Variants in IL1RAPL1 observed in about 807,000 individuals in gnomAD.
IL1RAPL1 encodes interleukin-1 receptor accessory protein-like 1.
IL1RAPL1 carries 3 observed loss-of-function variants against 48.4 expected under a neutral mutation model. The observed-to-expected ratio is 0.06, with a 90% CI of 0.03 to 0.16. The LOEUF (loss-of-function observed/expected upper bound fraction) is 0.16. IL1RAPL1 is among the 10% of genes least tolerant of loss of function. The pLI is 1.00. For synonymous variants in IL1RAPL1, 185 were observed against 187.7 expected (o/e 0.99, Z 0.12); for missense variants, 349 against 530.6 (o/e 0.66, Z 3.36).
At chrX:29,812,303 CTT>C (rs1453565178) in intron 6 of IL1RAPL1, among the ~76,000 whole-genome samples, 1 of 111,624 alleles carries the variant, frequency 9.0e-6, no homozygotes, top group African/African-American at 3.2e-5. Context: ...TTTTTATTTC[CTT>C]TTTTATGCTT....
chrX:29,191,898 T>C (rs1375072429), intron 2 of IL1RAPL1, among the ~76,000 whole-genome samples: 6 of 111,817 alleles, frequency 5.4e-5, no homozygotes, highest in South Asian at 3.8e-4. Flanking sequence ...GGTCAGGGTC[T>C]AAGATGCGAC....
intron 2 of IL1RAPL1, among the ~76,000 whole-genome samples, chrX:29,075,372 G>A (rs1434168847): frequency 9.0e-6 from 1 of 111,663 alleles, no homozygotes; most frequent in African/African-American, 3.3e-5. Context: ...CTCACAGCTA[G>A]GATGGAGAAA....
At chrX:29,039,373 C>G (rs1488865561) in intron 2 of IL1RAPL1, among the ~76,000 whole-genome samples, 1 of 111,950 alleles carries the variant, frequency 8.9e-6, no homozygotes, top group Non-Finnish European at 1.9e-5. Context: ...TTTCCTACTT[C>G]TTTTCTTCTT....
chrX:28,876,744 A>G (rs1346348037), intron 2 of IL1RAPL1, among the ~76,000 whole-genome samples: 6 of 88,515 alleles, frequency 6.8e-5, no homozygotes, highest in African/African-American at 2.7e-4. Flanking sequence ...CCCTCATTTT[A>G]TTCTTGCTGG....
chrX:29,418,918 C>T (rs2147703723), intron 5 of IL1RAPL1, among the ~76,000 whole-genome samples: 1 of 111,943 alleles, frequency 8.9e-6, no homozygotes, highest in Non-Finnish European at 1.9e-5. Context: ...GTCATTTTTT[C>T]AACATTGTCG....
chrX:29,941,580 C>A, intron 8 of IL1RAPL1, 71 bp from the exon 9 acceptor site: 1 of 1,075,446 alleles, frequency 9.3e-7, no homozygotes, highest in South Asian at 1.9e-5. Context: ...AATGTGAAAT[C>A]AAACTGAGTT....
chrX:29,898,853 G>GTGAT (rs1270055228), intron 6 of IL1RAPL1, among the ~76,000 whole-genome samples: 4 of 112,101 alleles, frequency 3.6e-5, no homozygotes, highest in African/African-American at 9.7e-5. Flanking sequence ...AAGATTAAGA[G>GTGAT]TGATAGTCAG....
intron 6 of IL1RAPL1, among the ~76,000 whole-genome samples, chrX:29,869,244 T>C (rs1931756984): frequency 8.9e-6 from 1 of 112,031 alleles, no homozygotes; most frequent in African/African-American, 3.2e-5. Context: ...AGAGATTAAT[T>C]TGCAACCAAT....
At chrX:28,815,839 G>GTATGTGTGTGTGTATA (rs1467095474) in intron 2 of IL1RAPL1, among the ~76,000 whole-genome samples, 16 of 29,107 alleles carry the variant, frequency 5.5e-4, no homozygotes, top group African/African-American at 1.4e-3. Flanking sequence ...GTGTGTTTAT[G>GTATGTGTGTGTGTATA]TATATATATA....
At chrX:29,565,338 C>T (rs1265871176) in intron 5 of IL1RAPL1, among the ~76,000 whole-genome samples, 1 of 107,125 alleles carries the variant, frequency 9.3e-6, no homozygotes, top group African/African-American at 3.4e-5. Flanking sequence ...AAAAAAAACA[C>T]AAACATTTAG....
At chrX:29,589,660 A>C (rs1351279490) in intron 5 of IL1RAPL1, among the ~76,000 whole-genome samples, 1 of 111,235 alleles carries the variant, frequency 9.0e-6, no homozygotes, top group Admixed American at 9.6e-5. Context: ...CAATTTCCTA[A>C]ACTGTGCTAT....
Position 29,260,219 on chromosome X carries a change from G to A in IL1RAPL1, c.83-22719G>A, listed in dbSNP as rs768001334. Among the ~76,000 whole-genome samples the A allele has an allele frequency of 3.6e-5, 4 of 112,558 alleles. No individual in the cohort carries two copies. The South Asian group carries it at 1.1e-3, about 31-fold the overall frequency. The stretch of plus-strand genomic sequence containing the variant: ...AAATTAAAAGCAAATGGCTAAAGCC[G>A]ACATAAGGTTTCAAGAGCTAACTGA... On this transcript the variant is annotated intron_variant, in intron 2 of 10. Transcript: ENST00000378993.
At chrX:28,854,879 CT>C (rs1013536868) in intron 2 of IL1RAPL1, among the ~76,000 whole-genome samples, 3 of 111,816 alleles carry the variant, frequency 2.7e-5, no homozygotes, top group Non-Finnish European at 3.8e-5. Flanking sequence ...GATGATTGTT[CT>C]TGAAAAGGGA....
intron 3 of IL1RAPL1, among the ~76,000 whole-genome samples, chrX:29,328,640 TATAGAGAG>T (rs1239106279): frequency 9.9e-6 from 1 of 100,757 alleles, no homozygotes; most frequent in East Asian, 2.9e-4. Context: ...TGTATATATA[TATAGAGAG>T]AGAGAGAGAG....
intron 8 of IL1RAPL1, among the ~76,000 whole-genome samples, chrX:29,922,030 A>G (rs2147241280): frequency 9.0e-6 from 1 of 111,666 alleles, no homozygotes; most frequent in South Asian, 3.8e-4. Context: ...TAGGGCACAT[A>G]AAAATGTGTT....
chrX:29,089,975 A>G (rs1479201389), intron 2 of IL1RAPL1, among the ~76,000 whole-genome samples: 1 of 106,114 alleles, frequency 9.4e-6, no homozygotes, highest in Non-Finnish European at 1.9e-5. Flanking sequence ...CCAGAGAAAT[A>G]GAAGCCCTCT....
intron 2 of IL1RAPL1, among the ~76,000 whole-genome samples, chrX:29,005,457 A>G (rs1199836616): frequency 8.9e-6 from 1 of 112,146 alleles, no homozygotes; most frequent in African/African-American, 3.2e-5. Context: ...ATTGGAAATC[A>G]AATAGTGACA....
intron 2 of IL1RAPL1, among the ~76,000 whole-genome samples, chrX:28,894,936 A>G (rs952698957): frequency 4.5e-5 from 5 of 110,546 alleles, no homozygotes; most frequent in African/African-American, 1.7e-4. Flanking sequence ...GTAACAGATG[A>G]GGATGAAATT....
intron 1 of IL1RAPL1, among the ~76,000 whole-genome samples, chrX:28,774,767 G>T (rs1936344895): frequency 9.0e-6 from 1 of 111,500 alleles, no homozygotes; most frequent in African/African-American, 3.3e-5. Context: ...TATATGGTAT[G>T]ATAAAAGCAT....
Sources: gnomAD v4.1 joint callset for allele counts (sites outside exome capture counted in the v4.1 genomes callset) on GRCh38, gnomAD v4.1.1 for gene constraint, MANE v1.5 for transcripts, NCBI Gene and HGNC (gene_info 2026-07-23, HGNC 2026-07-21) for gene names.